ST8SIA1: variants seen among roughly 807,000 people sequenced by gnomAD.
ST8SIA1 encodes the protein ST8 alpha-N-acetyl-neuraminide alpha-2,8-sialyltransferase 1, also known as alpha-N-acetylneuraminide alpha-2,8-sialyltransferase.
Under a neutral mutation model 35.9 loss-of-function variants are expected in ST8SIA1, and 16 were observed. That is an observed-to-expected ratio of 0.45 (90% CI 0.30 to 0.68). The LOEUF is 0.68. ST8SIA1 is among the 30% of genes least tolerant of loss of function. The pLI, the probability that ST8SIA1 is intolerant of heterozygous loss-of-function variation, is 0.09. For missense variants in ST8SIA1, 383 were observed against 453.6 expected, an observed-to-expected ratio of 0.84 and a Z score of 1.41; for synonymous variants, 170 against 169.6, an observed-to-expected ratio of 1.00 and a Z score of -0.02.
At chr12:22,231,788 T>C (rs1227548125) in intron 4 of ST8SIA1, among the ~76,000 whole-genome samples, 4 of 152,136 alleles carry the variant, frequency 2.6e-5, no homozygotes, top group Admixed American at 6.5e-5. Context: ...TTAGCCAGGA[T>C]GGTCTCGATC....
At chr12:22,257,097 TAA>T (rs1865736650) in intron 2 of ST8SIA1, among the ~76,000 whole-genome samples, 1 of 152,242 alleles carries the variant, frequency 6.6e-6, no homozygotes, top group South Asian at 2.1e-4. Flanking sequence ...AGATGATAAG[TAA>T]AGATAAATGA....
chr12:22,302,051 T>C (rs1403874839), intron 1 of ST8SIA1, among the ~76,000 whole-genome samples: 1 of 152,188 alleles, frequency 6.6e-6, no homozygotes, highest in African/African-American at 2.4e-5. Flanking sequence ...CCTACCATGA[T>C]TTGTCTTTAG....
chr12:22,197,953 A>G lies in ST8SIA1; in HGVS notation c.*3599T>C, dbSNP rs1462461903. 1 of 152,206 alleles carries G rather than the reference A, an allele frequency of 6.6e-6. No homozygotes were observed. 9.4% of individuals were successfully genotyped at this position (152,206 alleles called of 1,614,324 possible). On this transcript the variant is annotated 3_prime_UTR_variant, in exon 5 of 5. Transcript: ENST00000396037. ...GCAATTTTGTATAAACTTTTGGCAA[A>G]ATCCTCTATACAAAGCATATGTGTC...
chr12:22,272,884 G>T (rs1865927600), intron 2 of ST8SIA1, among the ~76,000 whole-genome samples: 1 of 152,210 alleles, frequency 6.6e-6, no homozygotes, highest in Non-Finnish European at 1.5e-5. Flanking sequence ...ATCTCTGACT[G>T]TGATTTTTAC....
chr12:22,271,151 G>A (rs988293741), intron 2 of ST8SIA1, among the ~76,000 whole-genome samples: 8 of 152,050 alleles, frequency 5.3e-5, no homozygotes, highest in African/African-American at 1.7e-4. Context: ...TGAACCTTTT[G>A]GCTCACATAT....
At chr12:22,290,159 AAT>A (rs1318348762) in intron 1 of ST8SIA1, among the ~76,000 whole-genome samples, 1 of 152,200 alleles carries the variant, frequency 6.6e-6, no homozygotes, top group Non-Finnish European at 1.5e-5. Context: ...CACTATTTGC[AAT>A]ATGAGTGGTT....
At chr12:22,223,865 A>G (rs1233234432) in intron 4 of ST8SIA1, 29 of 1,049,474 alleles carry the variant, frequency 2.8e-5, no homozygotes, top group Admixed American at 1.6e-4. Flanking sequence ...ATTGTGCAAA[A>G]TAATACTTAA....
chr12:22,238,395 G>A (rs1415856109), intron 4 of ST8SIA1, among the ~76,000 whole-genome samples: 2 of 152,150 alleles, frequency 1.3e-5, no homozygotes, highest in African/African-American at 4.8e-5. Flanking sequence ...TGCTGTGAGG[G>A]TGCCCACACT....
intron 1 of ST8SIA1, among the ~76,000 whole-genome samples, chr12:22,314,586 G>A (rs982152292): frequency 2.6e-5 from 4 of 152,174 alleles, no homozygotes; most frequent in African/African-American, 4.8e-5. Context: ...TATAGAGCAA[G>A]AGGACCCAAG....
At chr12:22,279,519 C>T (rs548471851) in intron 2 of ST8SIA1, among the ~76,000 whole-genome samples, 1 of 152,276 alleles carries the variant, frequency 6.6e-6, no homozygotes, top group South Asian at 2.1e-4. Context: ...TGACCAGTAC[C>T]CTTGGAAGCT....
Position 22,198,146 on chromosome 12 carries a change from A to G in ST8SIA1, c.*3406T>C, listed in dbSNP as rs1010535860. ...CAGGGTACTAGTTTTTAGTCTCTTCACCCTTCCTTTTGCCCCTATGGATCA... is the reference window on the plus strand; with the variant it reads ...CAGGGTACTAGTTTTTAGTCTCTTCGCCCTTCCTTTTGCCCCTATGGATCA... On this transcript the variant is annotated 3_prime_UTR_variant, in exon 5 of 5. Coordinates refer to ENST00000396037, the MANE Select transcript of ST8SIA1 (RefSeq NM_003034.4). 2 of 152,010 alleles carry G rather than the reference A, an allele frequency of 1.3e-5. No individual in the cohort carries two copies. Among genetic ancestry groups the G allele is most frequent in the African/African-American group, 4.8e-5 (2 of 41,382 alleles). 9.4% of individuals were successfully genotyped at this position (152,010 alleles called of 1,614,324 possible). A position where few individuals can be genotyped will look rare whatever the true frequency, so the allele number is the denominator to read the frequency against.
chr12:22,227,177 C>CTTATG (rs1257441652), intron 4 of ST8SIA1, among the ~76,000 whole-genome samples: 2 of 152,050 alleles, frequency 1.3e-5, no homozygotes, highest in African/African-American at 4.8e-5. Flanking sequence ...ATCTCTTGAC[C>CTTATG]TTATGATCCA....
At chr12:22,265,167 A>G (rs1025481875) in intron 2 of ST8SIA1, among the ~76,000 whole-genome samples, 1 of 152,234 alleles carries the variant, frequency 6.6e-6, no homozygotes, top group South Asian at 2.1e-4. Context: ...GACTGTGTCT[A>G]TACTTCAGGG....
At chr12:22,309,178 GC>G (rs2135831030) in intron 1 of ST8SIA1, among the ~76,000 whole-genome samples, 2 of 152,214 alleles carry the variant, frequency 1.3e-5, no homozygotes, top group East Asian at 3.9e-4. Context: ...TAAGTTCTTG[GC>G]CATGACGAGG....
At chr12:22,221,660 G>A (rs1028960699) in intron 4 of ST8SIA1, among the ~76,000 whole-genome samples, 2 of 152,178 alleles carry the variant, frequency 1.3e-5, no homozygotes, top group Non-Finnish European at 2.9e-5. Flanking sequence ...TGATTCAGAG[G>A]CTAAGTAAAA....
intron 4 of ST8SIA1, among the ~76,000 whole-genome samples, chr12:22,217,299 G>C (rs1044131374): frequency 6.6e-6 from 1 of 152,166 alleles, no homozygotes; most frequent in South Asian, 2.1e-4. Context: ...TTTAAAAACA[G>C]ATATTAATTT....
At chr12:22,265,215 T>C (rs1453303944) in intron 2 of ST8SIA1, among the ~76,000 whole-genome samples, 1 of 152,226 alleles carries the variant, frequency 6.6e-6, no homozygotes, top group Non-Finnish European at 1.5e-5. Flanking sequence ...TCAAAACTGT[T>C]TTCTTTTCAT....
intron 1 of ST8SIA1, among the ~76,000 whole-genome samples, chr12:22,320,060 A>G (rs949339498): frequency 1.3e-5 from 2 of 152,204 alleles, no homozygotes; most frequent in African/African-American, 4.8e-5. Context: ...TCCATATGAC[A>G]TAGACCTGCA....
chr12:22,205,825 C>G (rs10841975), intron 4 of ST8SIA1, among the ~76,000 whole-genome samples: 1 of 151,624 alleles, frequency 6.6e-6, no homozygotes, highest in African/African-American at 2.4e-5. Flanking sequence ...TATTTCAACA[C>G]AGGAAAATAT....
Sources: gnomAD v4.1 joint callset for allele counts (sites outside exome capture counted in the v4.1 genomes callset) on GRCh38, gnomAD v4.1.1 for gene constraint, MANE v1.5 for transcripts, NCBI Gene and HGNC (gene_info 2026-07-23, HGNC 2026-07-21) for gene names.